Variants in TSC2 observed in about 807,000 individuals in gnomAD.
The protein encoded by TSC2 is tuberin.
Under a neutral mutation model 202.2 loss-of-function variants are expected in TSC2, and 29 were observed. That is an observed-to-expected ratio of 0.14 (90% CI 0.11 to 0.20). The LOEUF (loss-of-function observed/expected upper bound fraction) is 0.20, where lower values mean the gene tolerates loss of function less well. Ranked by LOEUF, TSC2 falls within the 10% of genes least tolerant of loss-of-function variation. TSC2 has a pLI of 1.00. For missense variants in TSC2, 2,429 were observed against 2,420.0 expected (o/e 1.00, Z -0.08); for synonymous variants, 1,349 against 1,044.0 (o/e 1.29, Z -5.63).
At chr16:2,054,258 C>T in intron 4 of TSC2, 38 bp from the exon 5 acceptor site, 1 of 1,613,956 alleles carries the variant, frequency 6.2e-7, no homozygotes. Context: ...GTGGGCGACG[C>T]TGGCAGGCTC....
Position 2,088,775 on chromosome 16 carries a change from C to G in TSC2, c.*165C>G. On this transcript the variant is annotated 3_prime_UTR_variant, in exon 42 of 42. Transcript: ENST00000219476. ...CGGGGGTTGGGGGGGTGTCGAGGCT[C>G]TAGAAGCGGCCATGCCCACAGAAGT... 2 of 962,976 alleles carry G rather than the reference C, an allele frequency of 2.1e-6. No homozygotes were observed. The highest frequency in any genetic ancestry group is 3.0e-6 in the Non-Finnish European group (2 of 662,532). 59.7% of individuals were successfully genotyped at this position (962,976 alleles called of 1,614,324 possible).
intron 38 of TSC2, 87 bp from the exon 39 acceptor site, chr16:2,087,764 TGGAGCTGACAGG>T: frequency 7.1e-7 from 1 of 1,402,128 alleles, no homozygotes; most frequent in South Asian, 1.2e-5. Flanking sequence ...ATGCTGCCCA[TGGAGCTGACAGG>T]TGTCTAGCAG....
chr16:2,054,353 T>A lies in TSC2; in HGVS notation c.394T>A (p.Ser132Thr), dbSNP rs1191673224. ...CTTTAAGGTCATCAAGGATTACCCT[T>A]CCAACGAAGACCTTCACGAAAGGCT... ...LFFKVIKDYP[S>T]NEDLHERLEV... The change falls in exon 5 of 42, where the codon TCC (serine) becomes ACC (threonine). Residue 132 changes from serine to threonine, a missense_variant. Physicochemically the swap from Ser to Thr is moderately conservative, Grantham distance 58. Transcript: ENST00000219476. The A allele has an allele frequency of 1.2e-6, 2 of 1,614,174 alleles. No individual in the cohort carries two copies.
At position 2,085,336 on chromosome 16, in the gene TSC2, GC is replaced by G. The variant is rs2151554456; in HGVS notation, c.4662+16del. ...GGAGAAGGCCAGGTGAGGCTGCGGG[GC>G]CGGCCTAGGTGCCTGGACAGGGCCA... On this transcript the variant is annotated intron_variant, in intron 36 of 41. Transcript: ENST00000219476. The G allele has an allele frequency of 6.2e-7, 1 of 1,612,382 alleles. No homozygotes were observed. The highest frequency in any genetic ancestry group is 1.1e-5 in the South Asian group (1 of 91,076).
chr16:2,060,415 T>G (rs2086483392), intron 10 of TSC2, among the ~76,000 whole-genome samples: 1 of 152,304 alleles, frequency 6.6e-6, no homozygotes, highest in Admixed American at 6.5e-5. Context: ...GTGCCCAGGA[T>G]TCAGTTGCTG....
At chr16:2,074,410 C>G (rs770664012) in intron 22 of TSC2, 21 bp downstream of exon 22, 2 of 1,606,604 alleles carry the variant, frequency 1.2e-6, no homozygotes, top group Non-Finnish European at 1.7e-6. Flanking sequence ...GCCCTGCCTG[C>G]GCATGCACCC....
intron 33 of TSC2, 140 bp from the exon 34 acceptor site, chr16:2,084,088 C>A: frequency 6.8e-7 from 1 of 1,460,738 alleles, no homozygotes; most frequent in Non-Finnish European, 9.3e-7. Flanking sequence ...CGTCAACGGG[C>A]GGGGGCCGTA....
chr16:2,079,061 G>T lies in TSC2; in HGVS notation c.2996G>T (p.Ser999Ile), dbSNP rs149808366. ...ATACAGACGTCCCTCACCAGTGCCA[G>T]CTTGGGGTCTGCAGATGAGAACTCC... ...SRIQTSLTSASLGSADENSVA... is the reference protein window; with the variant it reads ...SRIQTSLTSAILGSADENSVA... The change falls in exon 27 of 42, where the codon AGC (serine) becomes ATC (isoleucine). Residue 999 changes from serine to isoleucine, a missense_variant. Ser to Ile is a moderately radical substitution (Grantham distance 142). Coordinates refer to ENST00000219476, the MANE Select transcript of TSC2 (RefSeq NM_000548.5). This position sits in a 1 kb window ranked among gnomAD's most constrained non-coding sequence, Gnocchi z 4.6. 6.2e-7 allele frequency: 1 copy of T among 1,612,956 alleles called. No homozygotes were observed. Among genetic ancestry groups the T allele is most frequent in the South Asian group, 1.1e-5 (1 of 91,084 alleles).
Position 2,070,460 on chromosome 16 carries a change from A to T in TSC2, c.1721A>T (p.Lys574Met). The T allele has an allele frequency of 2.5e-6, 4 of 1,613,336 alleles. No homozygotes were observed. The highest frequency in any genetic ancestry group is 3.4e-6 in the Non-Finnish European group (4 of 1,180,018). The change falls in exon 17 of 42, where the codon AAG becomes ATG. Residue 574 changes from lysine (K) to methionine (M), a missense_variant. Transcript: ENST00000219476. ...AGCTGCGTCCTCTCTCTGCAGACCA[A>T]GCTGTACACCCTGCCTGCAAGCCAC... ...VLGLLVILQT[K>M]LYTLPASHAT...
rs2151284243 is a variant in TSC2, at chr16:2,070,661, G to A, written c.1839+83G>A. On this transcript the variant is annotated intron_variant, in intron 17 of 41. Coordinates refer to ENST00000219476, the MANE Select transcript of TSC2 (RefSeq NM_000548.5). ...TCGGCAGGTGTGGTTCCTGGAAGCT[G>A]CAGAGACGGCCCCAGGATGGGGCCT... The A allele has an allele frequency of 8.1e-6, 13 of 1,597,000 alleles. No homozygotes were observed. The South Asian group carries it at 1.3e-4, about 16-fold the overall frequency.
At position 2,077,693 on chromosome 16, in the gene TSC2, G is replaced by A. The variant is rs876660733; in HGVS notation, c.2933G>A (p.Arg978His). The part of the protein sequence containing the change: ...ESSAAEAFRC[R>H]SISVSEHVVR... ...TCTGCAGCCGAGGCCTTCCGGTGCCGCAGCATCAGTGTGTCTGAACATGTG... is the reference window on the plus strand; with the variant it reads ...TCTGCAGCCGAGGCCTTCCGGTGCCACAGCATCAGTGTGTCTGAACATGTG... The change falls in exon 26 of 42, where the codon CGC (arginine) becomes CAC (histidine). Residue 978 changes from arginine (R) to histidine (H), a missense_variant. Physicochemically the swap from Arg to His is conservative, Grantham distance 29. Transcript: ENST00000219476. 3 of 1,612,854 alleles carry A rather than the reference G, an allele frequency of 1.9e-6. No homozygotes were observed. The highest frequency in any genetic ancestry group is 2.2e-5 in the South Asian group (2 of 91,086).
Position 2,071,789 on chromosome 16 carries a change from C to T in TSC2, c.1952C>T (p.Pro651Leu), listed in dbSNP as rs1300730043. 4 of 1,604,392 alleles carry T rather than the reference C, an allele frequency of 2.5e-6. No individual in the cohort carries two copies. Among genetic ancestry groups the T allele is most frequent in the Middle Eastern group, 1.6e-4 (1 of 6,062 alleles). Residue 651 changes from proline (P) to leucine (L), a missense_variant, in exon 19 of 42, where the codon CCA (proline) becomes CTA (leucine). Physicochemically the swap from Pro to Leu is moderately conservative, Grantham distance 98. Coordinates refer to ENST00000219476, the MANE Select transcript of TSC2 (RefSeq NM_000548.5). Reference sequence around the variant, plus strand: ...TGCTTCTCTTGCTTCTGCAGGGAGCCAGAGAGAGGCTCTGAGAAGAAGACC... The same window carrying T: ...TGCTTCTCTTGCTTCTGCAGGGAGCTAGAGAGAGGCTCTGAGAAGAAGACC... ...SPYCVCDYME[P>L]ERGSEKKTSG...
In TSC2 at chr16:2,079,994, TG is replaced by T. The variant is rs2089924874; in HGVS notation, c.3398-168del. Among the ~76,000 whole-genome samples the T allele has an allele frequency of 4.6e-5, 7 of 152,198 alleles. No homozygotes were observed. Among genetic ancestry groups the T allele is most frequent in the African/African-American group, 1.7e-4 (7 of 41,450 alleles). On this transcript the variant is annotated intron_variant, in intron 29 of 41. Coordinates refer to ENST00000219476, the MANE Select transcript of TSC2 (RefSeq NM_000548.5). This position sits in a 1 kb window ranked among gnomAD's most constrained non-coding sequence, Gnocchi z 4.6. The stretch of plus-strand genomic sequence containing the variant: ...GGTTCTGGGTCCCTCCCTGTGGCCC[TG>T]GGTTCACTGAGGCCAGCACTGTGGT...
intron 2 of TSC2, among the ~76,000 whole-genome samples, chr16:2,048,978 A>G (rs1330039269): frequency 6.6e-6 from 1 of 152,234 alleles, no homozygotes; most frequent in East Asian, 1.9e-4. Flanking sequence ...GATGTTGATG[A>G]AAGAAAGCCC....
rs1390894171 is a variant in TSC2, at chr16:2,062,952, A to G, written c.1362-20A>G. ...TGGCCGGGCACTCCCCACCCGCCCC[A>G]GCAGGCTGCCGTCCCGCAGGAGCGA... On this transcript the variant is annotated intron_variant, in intron 13 of 41. Coordinates refer to ENST00000219476, the MANE Select transcript of TSC2 (RefSeq NM_000548.5). 1.9e-6 allele frequency: 3 copies of G among 1,548,236 alleles called. No individual in the cohort carries two copies. The highest frequency in any genetic ancestry group is 1.7e-6 in the Non-Finnish European group (2 of 1,146,630).
chr16:2,051,350 G>C (rs1463582956), intron 3 of TSC2, among the ~76,000 whole-genome samples: 1 of 151,954 alleles, frequency 6.6e-6, no homozygotes, highest in Non-Finnish European at 1.5e-5. Context: ...GTTTGTAGTG[G>C]CTGATAGAAA....
intron 18 of TSC2, 54 bp downstream of exon 18, chr16:2,071,670 G>A (rs2151300938): frequency 6.2e-7 from 1 of 1,607,812 alleles, no homozygotes; most frequent in Non-Finnish European, 8.5e-7. Flanking sequence ...GAGGCGCTGG[G>A]GCTGTGGTGG....
At chr16:2,063,548 T>C (rs958973042) in intron 14 of TSC2, 1 of 257,740 alleles carries the variant, frequency 3.9e-6, no homozygotes, top group Non-Finnish European at 7.7e-6. Context: ...GTCATACCCC[T>C]TTCCCAGGAG....
At chr16:2,062,862 C>T in intron 13 of TSC2, 110 bp from the exon 14 acceptor site, 2 of 1,264,106 alleles carry the variant, frequency 1.6e-6, no homozygotes, top group Non-Finnish European at 2.2e-6. Flanking sequence ...GCCCTGTGTG[C>T]CTGGCCGCGG....
Sources: allele counts gnomAD v4.1 joint callset (sites outside exome capture counted in the v4.1 genomes callset), GRCh38; gene constraint gnomAD v4.1.1; non-coding constraint Gnocchi (gnomAD v3.1); transcripts MANE v1.5; gene names NCBI Gene and HGNC (gene_info 2026-07-23, HGNC 2026-07-21).